The following MTA3 variants were observed in gnomAD, a reference collection of about 807,000 sequenced individuals.
MTA3 encodes metastasis associated 1 family member 3.
A neutral mutation model predicts 83.5 loss-of-function variants in MTA3; 34 were observed. The ratio of observed to expected loss-of-function variants is 0.41; its 90% CI spans 0.31 to 0.54. The LOEUF is 0.54. MTA3 is among the 20% of genes least tolerant of loss of function. MTA3 has a pLI of 0.33. For missense variants in MTA3, 761 were observed against 726.4 expected, an observed-to-expected ratio of 1.05 and a Z score of -0.55; for synonymous variants, 303 against 252.7, an observed-to-expected ratio of 1.20 and a Z score of -1.89.
chr2:42,746,026 A>C (rs751392278), intron 16 of MTA3, among the ~76,000 whole-genome samples: 8 of 151,244 alleles, frequency 5.3e-5, no homozygotes, highest in Non-Finnish European at 8.8e-5. Context: ...GTTAGCCAGG[A>C]TGGTCTCGAT....
intron 2 of MTA3, among the ~76,000 whole-genome samples, chr2:42,577,258 A>G (rs1341431972): frequency 1.3e-5 from 2 of 151,434 alleles, no homozygotes; most frequent in Non-Finnish European, 2.9e-5. Context: ...GCTTCAGAAG[A>G]ATGCTGGAGA....
chr2:42,549,608 AATATATAATATATTATAT>A (rs1558429292), intron 2 of MTA3, among the ~76,000 whole-genome samples: 29 of 120,686 alleles, frequency 2.4e-4, no homozygotes, highest in African/African-American at 8.9e-4. Context: ...ATACATATAT[AATATATAATATATTATAT>A]ACATATACAT....
chr2:42,506,587 C>T (rs1009738527), intron 2 of MTA3, among the ~76,000 whole-genome samples: 1 of 151,458 alleles, frequency 6.6e-6, no homozygotes, highest in East Asian at 1.9e-4. Flanking sequence ...GAGGTGTAGG[C>T]GGGGGGTAAC....
At chr2:42,740,845 G>A (rs1668975334) in intron 16 of MTA3, among the ~76,000 whole-genome samples, 1 of 152,228 alleles carries the variant, frequency 6.6e-6, no homozygotes, top group Non-Finnish European at 1.5e-5. Flanking sequence ...TTTTGGAATA[G>A]TAAATGAACA....
rs1553348074 is a variant in MTA3, at chr2:42,579,429, AT to A, written c.190+242del. Among the ~76,000 whole-genome samples, 1,309 of 140,148 alleles carry A rather than the reference AT, an allele frequency of 9.3e-3. 29 individuals carry two copies. The highest frequency in any genetic ancestry group is 0.032 in the African/African-American group (1,224 of 38,268). The allele number at this position is 140,148 out of a possible 152,430, so 91.9% of individuals were successfully genotyped here. A position where few individuals can be genotyped will look rare whatever the true frequency, so the allele number is the denominator to read the frequency against. On this transcript the variant is annotated intron_variant, in intron 3 of 16. Coordinates refer to ENST00000405094, the MANE Select transcript of MTA3 (RefSeq NM_001330442.2). The stretch of plus-strand genomic sequence containing the variant: ...TAATTTTATATCTATATATATATAT[AT>A]TTTTTTTTTTTTCCGGAGACAAAGT...
intron 16 of MTA3, among the ~76,000 whole-genome samples, chr2:42,739,185 A>G (rs1668835601): frequency 6.6e-6 from 1 of 152,024 alleles, no homozygotes; most frequent in South Asian, 2.1e-4. Flanking sequence ...CCAACGTGTG[A>G]TGTCTCCCCC....
At chr2:42,706,580 G>A (rs541854685) in intron 12 of MTA3, among the ~76,000 whole-genome samples, 180 of 152,308 alleles carry the variant, frequency 1.2e-3, no homozygotes, top group Non-Finnish European at 1.9e-3. Context: ...GTAACTTACA[G>A]GTCAGAGAAA....
rs34154066 is a variant in MTA3 at position 42,674,596 on chromosome 2, CTTT to C, written c.703-7786_703-7784del. On this transcript the variant is annotated intron_variant, in intron 8 of 16. Coordinates refer to ENST00000405094, the MANE Select transcript of MTA3 (RefSeq NM_001330442.2). The stretch of plus-strand genomic sequence containing the variant: ...AGACTTTTAGTTTAGTTTTCTTCTT[CTTT>C]TTTTTTTTTTTTTTTTTTGAGACGG... Among the ~76,000 whole-genome samples, 506 of 114,252 alleles carry C rather than the reference CTTT, an allele frequency of 4.4e-3. 3 individuals are homozygous for C. The highest frequency in any genetic ancestry group is 0.013 in the African/African-American group (385 of 29,238). 75.0% of individuals were successfully genotyped at this position (114,252 alleles called of 152,430 possible). A position where few individuals can be genotyped will look rare whatever the true frequency, so the allele number is the denominator to read the frequency against.
rs1248316188 is a variant in MTA3 at position 42,619,121 on chromosome 2, C to T, written c.317+9537C>T. Reference sequence around the variant, plus strand: ...GAAATAATGATTGCAAAATGAACAACGGAACAGCAAGAGGAGAGAGAACAG... The same window carrying T: ...GAAATAATGATTGCAAAATGAACAATGGAACAGCAAGAGGAGAGAGAACAG... On this transcript the variant is annotated intron_variant, in intron 4 of 16. Transcript: ENST00000405094. 1.1e-4 allele frequency among the ~76,000 whole-genome samples: 17 copies of T among 152,034 alleles called. No homozygotes were observed. The East Asian group carries it at 1.3e-3, about 12-fold the overall frequency.
intron 4 of MTA3, chr2:42,613,675 A>G (rs972835176): frequency 5.3e-5 from 8 of 152,364 alleles, no homozygotes; most frequent in Non-Finnish European, 8.8e-5. Context: ...TCTTTGGAAC[A>G]TAGAAGAAAA....
At chr2:42,673,197 T>C (rs1691000370) in intron 8 of MTA3, among the ~76,000 whole-genome samples, 1 of 151,650 alleles carries the variant, frequency 6.6e-6, no homozygotes, top group Non-Finnish European at 1.5e-5. Context: ...GGTTTACTCA[T>C]GAGAGTTTAT....
At chr2:42,572,205 G>A (rs1183117939) in intron 2 of MTA3, among the ~76,000 whole-genome samples, 3 of 151,980 alleles carry the variant, frequency 2.0e-5, no homozygotes, top group Admixed American at 2.0e-4. Flanking sequence ...GGTGAACCTG[G>A]GGGGTGGAGC....
intron 2 of MTA3, among the ~76,000 whole-genome samples, chr2:42,526,519 G>A (rs1675716625): frequency 6.6e-6 from 1 of 152,122 alleles, no homozygotes; most frequent in Non-Finnish European, 1.5e-5. Flanking sequence ...ACAGGCACTC[G>A]GATGTCAACA....
rs149740743 is a variant in MTA3, at chr2:42,655,695, C to T, written c.500-505C>T. On this transcript the variant is annotated intron_variant, in intron 6 of 16. Coordinates refer to ENST00000405094, the MANE Select transcript of MTA3 (RefSeq NM_001330442.2). The stretch of plus-strand genomic sequence containing the variant: ...TCAGCTCACTGCAACCTCTACCTTC[C>T]GGGTTCAAGCGATTCTCGTGCCTCA... Among the ~76,000 whole-genome samples, 25 of 152,290 alleles carry T rather than the reference C, an allele frequency of 1.6e-4. No individual in the cohort carries two copies. In the East Asian group the frequency reaches 3.9e-3, roughly 24 times the overall value.
At chr2:42,663,726 A>G (rs1451955521) in intron 8 of MTA3, among the ~76,000 whole-genome samples, 2 of 152,252 alleles carry the variant, frequency 1.3e-5, no homozygotes, top group East Asian at 1.9e-4. Context: ...GATCATCCCA[A>G]TGTAGGCAAC....
At chr2:42,616,299 G>T (rs1684877977) in intron 4 of MTA3, among the ~76,000 whole-genome samples, 1 of 151,974 alleles carries the variant, frequency 6.6e-6, no homozygotes, top group South Asian at 2.1e-4. Flanking sequence ...CTGACTTCAG[G>T]TGATCTGCCT....
chr2:42,498,261 A>G (rs1674236560), intron 2 of MTA3, among the ~76,000 whole-genome samples: 1 of 152,206 alleles, frequency 6.6e-6, no homozygotes, highest in Non-Finnish European at 1.5e-5. Context: ...TGGAAATTCA[A>G]ATGGAAACTT....
intron 2 of MTA3, among the ~76,000 whole-genome samples, chr2:42,537,466 G>A (rs1484531661): frequency 6.6e-6 from 1 of 152,032 alleles, no homozygotes; most frequent in African/African-American, 2.4e-5. Flanking sequence ...TCGGGAGGCT[G>A]AGACAGGAGA....
chr2:42,638,635 G>T (rs1020614136), intron 4 of MTA3, among the ~76,000 whole-genome samples: 3 of 151,958 alleles, frequency 2.0e-5, no homozygotes, highest in African/African-American at 7.3e-5. Flanking sequence ...CCAAAGTGCT[G>T]AGATTACAGG....
Sources: allele counts gnomAD v4.1 joint callset (sites outside exome capture counted in the v4.1 genomes callset), GRCh38; gene constraint gnomAD v4.1.1; transcripts MANE v1.5; gene names NCBI Gene and HGNC (gene_info 2026-07-23, HGNC 2026-07-21).